Variants in ZZEF1 observed in about 807,000 individuals in gnomAD.
ZZEF1 encodes zinc finger ZZ-type and EF-hand domain-containing protein 1.
Under a neutral mutation model 342.8 loss-of-function variants are expected in ZZEF1, and 157 were observed. The ratio of observed to expected loss-of-function variants is 0.46; its 90% CI spans 0.40 to 0.52. The LOEUF (loss-of-function observed/expected upper bound fraction) is 0.52, where lower values mean the gene tolerates loss of function less well. Ranked by LOEUF, ZZEF1 falls within the 20% of genes least tolerant of loss-of-function variation. The pLI, the probability that ZZEF1 is intolerant of heterozygous loss-of-function variation, is 0.00. For missense variants in ZZEF1, 3,480 were observed against 3,725.6 expected, an observed-to-expected ratio of 0.93 and a Z score of 1.72; for synonymous variants, 1,505 against 1,429.1, an observed-to-expected ratio of 1.05 and a Z score of -1.20.
chr17:4,027,953 G>T (rs1294682704), intron 42 of ZZEF1, among the ~76,000 whole-genome samples: 1 of 151,816 alleles, frequency 6.6e-6, no homozygotes, highest in African/African-American at 2.4e-5. Flanking sequence ...CAGAGTGCTG[G>T]GTTATTTTGT....
At chr17:4,056,014 A>G (rs1053565111) in intron 33 of ZZEF1, among the ~76,000 whole-genome samples, 2 of 152,144 alleles carry the variant, frequency 1.3e-5, no homozygotes, top group African/African-American at 4.8e-5. Flanking sequence ...ATCGGACAGG[A>G]GGCGGAGCTC....
At chr17:4,030,488 A>G (rs1253936267) in intron 42 of ZZEF1, among the ~76,000 whole-genome samples, 1 of 152,174 alleles carries the variant, frequency 6.6e-6, no homozygotes, top group Non-Finnish European at 1.5e-5. Context: ...TATTGTCCCA[A>G]ATTAATCTAT....
intron 2 of ZZEF1, among the ~76,000 whole-genome samples, chr17:4,118,176 T>G (rs1383766252): frequency 1.3e-5 from 2 of 152,138 alleles, no homozygotes; most frequent in Non-Finnish European, 2.9e-5. Flanking sequence ...ACTTGTGCCT[T>G]CAGGACCTGC....
At chr17:4,129,793 G>C (rs1406168038) in intron 1 of ZZEF1, among the ~76,000 whole-genome samples, 1 of 151,998 alleles carries the variant, frequency 6.6e-6, no homozygotes, top group Non-Finnish European at 1.5e-5. Flanking sequence ...GAATAAAAAA[G>C]AAAATATGGT....
Position 4,122,049 on chromosome 17 carries a change from C to T in ZZEF1, c.499+1858G>A, listed in dbSNP as rs1299908928. On this transcript the variant is annotated intron_variant, in intron 2 of 54. Transcript: ENST00000381638. The stretch of plus-strand genomic sequence containing the variant: ...TACATTCTTCATTAATGTATGGAAA[C>T]TATCCTTCCCTAGCTCAATACGTCA... 4.6e-5 allele frequency among the ~76,000 whole-genome samples: 7 copies of T among 152,232 alleles called. 1 individual carries two copies. The East Asian group carries it at 1.4e-3, about 29-fold the overall frequency.
chr17:4,088,974 G>A, intron 12 of ZZEF1, 81 bp from the exon 13 acceptor site: 3 of 1,359,778 alleles, frequency 2.2e-6, no homozygotes, highest in Non-Finnish European at 3.0e-6. Context: ...GCCTTTCCGG[G>A]AAGGTCTTCC....
Position 4,075,289 on chromosome 17 carries a change from G to A in ZZEF1, c.3375C>T (p.Phe1125=), listed in dbSNP as rs761505456. 9.3e-6 allele frequency: 15 copies of A among 1,614,128 alleles called. No individual in the cohort carries two copies. The highest frequency in any genetic ancestry group is 2.2e-5 in the East Asian group (1 of 44,882). ...TTTTTTCAGTTTCACACCTGTCATC[G>A]AATTCCACTTCAAAATAGGTTGCCC... ...SPGATYFEVE[F]DDRCETEKRY... is the part of the protein sequence containing the mutation. The change falls in exon 22 of 55, where the codon TTC becomes TTT. Residue 1125 remains phenylalanine, a synonymous_variant. Coordinates refer to ENST00000381638, the MANE Select transcript of ZZEF1 (RefSeq NM_015113.4).
At chr17:4,040,006 C>A (rs2056769213) in intron 39 of ZZEF1, among the ~76,000 whole-genome samples, 1 of 152,040 alleles carries the variant, frequency 6.6e-6, no homozygotes, top group Admixed American at 6.5e-5. Flanking sequence ...TTTATTTTGA[C>A]ACGGTCTAAT....
rs2254021 is a variant in ZZEF1 at position 4,032,016 on chromosome 17, T to C, written c.6892+110A>G. The stretch of plus-strand genomic sequence containing the variant: ...GCTCGGGGAGCTATAACTTGTTCTT[T>C]AAAAAAATCACACGCAGGCCAAGAG... On this transcript the variant is annotated intron_variant, in intron 42 of 54. Transcript: ENST00000381638. The C allele has an allele frequency of 5.0e-5, 61 of 1,218,834 alleles. No homozygotes were observed. The South Asian group carries it at 9.1e-4, about 18-fold the overall frequency. 75.5% of individuals were successfully genotyped at this position (1,218,834 alleles called of 1,614,324 possible). A position where few individuals can be genotyped will look rare whatever the true frequency, so the allele number is the denominator to read the frequency against.
At chr17:4,052,684 T>C (rs997425987) in intron 34 of ZZEF1, among the ~76,000 whole-genome samples, 2 of 152,202 alleles carry the variant, frequency 1.3e-5, no homozygotes, top group African/African-American at 4.8e-5. Context: ...CTGGGCAATA[T>C]GGTGAAACCT....
At chr17:4,007,386 G>A (rs543379885) in intron 54 of ZZEF1, among the ~76,000 whole-genome samples, 20 of 152,374 alleles carry the variant, frequency 1.3e-4, no homozygotes, top group Admixed American at 2.6e-4. Flanking sequence ...GGCCAGGCCC[G>A]TCAGGCCTTC....
rs2057358104 is a variant in ZZEF1, at chr17:4,064,773, T to C, written c.4306A>G (p.Ser1436Gly). The C allele has an allele frequency of 6.2e-7, 1 of 1,611,984 alleles. No individual in the cohort carries two copies. The highest frequency in any genetic ancestry group is 1.1e-5 in the South Asian group (1 of 91,082). Reference protein sequence around the residue: ...LLLKFLPTGISSKESCEKLET... With the variant: ...LLLKFLPTGIGSKESCEKLET... The stretch of plus-strand genomic sequence containing the variant: ...AACTTTTCGCAGCTTTCTTTTGAAC[T>C]TATGCCCGTGGGCAGAAATTTTAGT... The change falls in exon 29 of 55, where the codon AGT (serine) becomes GGT (glycine). Residue 1436 changes from serine (S) to glycine (G), a missense_variant. By Grantham distance (56) the Ser-to-Gly change is moderately conservative (BLOSUM62 0). Transcript: ENST00000381638.
In ZZEF1 at chr17:4,044,245, T is replaced by G. The variant is rs755844486; in HGVS notation, c.6145A>C (p.Ser2049Arg). 3.7e-6 allele frequency: 6 copies of G among 1,614,038 alleles called. No individual in the cohort carries two copies. The East Asian group carries it at 1.3e-4, about 36-fold the overall frequency. Residue 2049 changes from serine (S) to arginine (R), a missense_variant, in exon 38 of 55, where the codon AGC (serine) becomes CGC (arginine). Physicochemically the swap from Ser to Arg is moderately radical, Grantham distance 110. Around this residue, in one of 5 missense-constraint regions of ZZEF1, gnomAD observed 1,269 missense variants for 1,342.4 expected, o/e 0.95. Coordinates refer to ENST00000381638, the MANE Select transcript of ZZEF1 (RefSeq NM_015113.4). ...TTACCTGGAAGTCCTGTAGGTGGGC[T>G]AGCATCTGCAGGTGAATCTGAAATT... ...TQISDSPADA[S>R]PPTGLPDAED...
intron 5 of ZZEF1, 78 bp from the exon 6 acceptor site, chr17:4,109,941 T>C: frequency 2.9e-6 from 4 of 1,394,846 alleles, no homozygotes; most frequent in Non-Finnish European, 4.0e-6. Context: ...AAAAGCAAAA[T>C]AGTAATAGAC....
chr17:4,087,372 A>G, intron 14 of ZZEF1, 62 bp downstream of exon 14: 1 of 1,375,504 alleles, frequency 7.3e-7, no homozygotes. Context: ...ATCCACTTAG[A>G]ATAGTAAAAC....
chr17:4,102,456 T>C (rs779596170), intron 8 of ZZEF1, 41 bp from the exon 9 acceptor site: 42 of 1,570,806 alleles, frequency 2.7e-5, no homozygotes, highest in Non-Finnish European at 3.6e-5. Context: ...AGCTAAAATA[T>C]GAAGAACTGG....
rs1363823413 is a variant in ZZEF1, at chr17:4,033,865, C to T, written c.6584+150G>A. 9 of 1,054,844 alleles carry T rather than the reference C, an allele frequency of 8.5e-6. No homozygotes were observed. In the African/African-American group the frequency reaches 1.1e-4, roughly 13 times the overall value. 65.3% of individuals were successfully genotyped at this position (1,054,844 alleles called of 1,614,324 possible). ...GTTTTAATGTGGGTTGACAGCATTG[C>T]TCATGAACCTAATTCTATTTCCACA... On this transcript the variant is annotated intron_variant, in intron 40 of 54. Transcript: ENST00000381638.
chr17:4,059,487 G>C (rs1597828672), intron 30 of ZZEF1, among the ~76,000 whole-genome samples, 197 bp from the exon 31 acceptor site: 1 of 111,734 alleles, frequency 8.9e-6, no homozygotes, highest in African/African-American at 2.8e-5. Flanking sequence ...ACGGGCTCAA[G>C]AGAGTTACCC....
In ZZEF1 at chr17:4,004,536, C is replaced by T. The variant is rs1344199694; in HGVS notation, c.*2354G>A. 3.3e-5 allele frequency: 5 copies of T among 152,568 alleles called. No individual in the cohort carries two copies. 9.5% of individuals were successfully genotyped at this position (152,568 alleles called of 1,614,324 possible). A position where few individuals can be genotyped will look rare whatever the true frequency, so the allele number is the denominator to read the frequency against. ...ATCCTTTTTACAGGCTGAACTCACT[C>T]AGGCTGATAGAATCAAAATTCTTTC... On this transcript the variant is annotated 3_prime_UTR_variant, in exon 55 of 55. Transcript: ENST00000381638.
Sources: gnomAD v4.1 joint callset for allele counts (sites outside exome capture counted in the v4.1 genomes callset) on GRCh38, gnomAD v4.1.1 for gene constraint, gnomAD v4.1.1 regional missense constraint, MANE v1.5 for transcripts, NCBI Gene and HGNC (gene_info 2026-07-23, HGNC 2026-07-21) for gene names.